The following RNF130 variants were observed in gnomAD, a reference collection of about 807,000 sequenced individuals.
The protein encoded by RNF130 is E3 ubiquitin-protein ligase RNF130.
In RNF130, 21 loss-of-function variants were observed where a neutral mutation model predicts 44.6. The observed-to-expected ratio is 0.47, with a 90% CI of 0.33 to 0.68. The LOEUF is 0.68. RNF130 is among the 30% of genes least tolerant of loss of function. The probability of loss-of-function intolerance (pLI) is 0.02; values close to 1 mark genes in which losing one functional copy is unlikely to be tolerated. For synonymous variants in RNF130, 214 were observed against 210.4 expected (o/e 1.02, Z -0.15); for missense variants, 479 against 560.6 (o/e 0.85, Z 1.47).
At position 180,021,126 on chromosome 5, in the gene RNF130, C is replaced by T. The variant is rs753632052; in HGVS notation, c.443-7815G>A. On this transcript the variant is annotated intron_variant, in intron 2 of 8. Transcript: ENST00000521389. The stretch of plus-strand genomic sequence containing the variant: ...AATGTCAGACACGTACCACCAAACC[C>T]GGCTCATTTTTTTGTATTTTTAGTA... Among the ~76,000 whole-genome samples the T allele has an allele frequency of 3.3e-5, 5 of 152,166 alleles. No individual in the cohort carries two copies. The East Asian group carries it at 5.8e-4, about 18-fold the overall frequency.
chr5:179,969,326 G>A (rs1277768871), intron 6 of RNF130, among the ~76,000 whole-genome samples: 5 of 151,722 alleles, frequency 3.3e-5, no homozygotes, highest in African/African-American at 1.2e-4. Context: ...TTCTCCTTGG[G>A]CTCCAGTCAC....
chr5:180,060,871 C>T (rs945459930), intron 1 of RNF130, among the ~76,000 whole-genome samples: 8 of 152,024 alleles, frequency 5.3e-5, no homozygotes, highest in South Asian at 2.1e-4. Context: ...CGATCGAGAC[C>T]ATCCTGGCTA....
intron 7 of RNF130, among the ~76,000 whole-genome samples, chr5:179,922,015 C>T (rs977582412): frequency 1.3e-5 from 2 of 151,096 alleles, no homozygotes. Flanking sequence ...AGTGAGACTC[C>T]GTCTGAAAAA....
At chr5:179,963,331 A>T in intron 8 of RNF130, 140 bp downstream of exon 8, 1 of 632,858 alleles carries the variant, frequency 1.6e-6, no homozygotes, top group Non-Finnish European at 2.8e-6. Context: ...CATGAAATAA[A>T]GTATTTTGCT....
intron 1 of RNF130, among the ~76,000 whole-genome samples, chr5:180,043,896 T>C (rs1046958404): frequency 2.6e-5 from 4 of 152,232 alleles, no homozygotes; most frequent in Non-Finnish European, 5.9e-5. Context: ...AAAGTGGTAT[T>C]TATTATTCAG....
intron 3 of RNF130, among the ~76,000 whole-genome samples, chr5:179,997,640 T>A (rs1763235985): frequency 6.6e-6 from 1 of 151,980 alleles, no homozygotes; most frequent in African/African-American, 2.4e-5. Flanking sequence ...ATGTTTGTAT[T>A]TTTATTTGTA....
intron 1 of RNF130, among the ~76,000 whole-genome samples, chr5:180,054,409 A>G (rs1242668810): frequency 6.6e-6 from 1 of 152,148 alleles, no homozygotes; most frequent in African/African-American, 2.4e-5. Context: ...GCAGATGCCC[A>G]CTTAGCTTTT....
intron 5 of RNF130, among the ~76,000 whole-genome samples, chr5:179,975,914 G>A (rs1429192377): frequency 2.0e-5 from 3 of 152,196 alleles, no homozygotes; most frequent in Admixed American, 6.5e-5. Flanking sequence ...TTTGCAGCAC[G>A]AGAATCGGGC....
chr5:179,946,890 A>G (rs532373140), intron 7 of RNF130, among the ~76,000 whole-genome samples: 1 of 152,220 alleles, frequency 6.6e-6, no homozygotes, highest in South Asian at 2.1e-4. Context: ...GTTTGCCTTT[A>G]TCTTTCTTTA....
At chr5:180,044,898 C>T (rs570421223) in intron 1 of RNF130, among the ~76,000 whole-genome samples, 1 of 152,094 alleles carries the variant, frequency 6.6e-6, no homozygotes, top group South Asian at 2.1e-4. Context: ...CAGAAGCTGA[C>T]GTTAGAGGGT....
At chr5:180,063,526 C>T (rs571777291) in intron 1 of RNF130, among the ~76,000 whole-genome samples, 1 of 152,292 alleles carries the variant, frequency 6.6e-6, no homozygotes, top group African/African-American at 2.4e-5. Context: ...GTCTTTGTGA[C>T]ACTGAAGTAA....
At chr5:180,015,711 AG>A (rs1341091901) in intron 2 of RNF130, among the ~76,000 whole-genome samples, 21 of 137,100 alleles carry the variant, frequency 1.5e-4, no homozygotes, top group East Asian at 1.3e-3. Flanking sequence ...GGAAAGGAGT[AG>A]GGAAAGGAGT....
intron 5 of RNF130, among the ~76,000 whole-genome samples, chr5:179,975,479 AAAGACTGTCAC>A: frequency 6.6e-6 from 1 of 152,338 alleles, no homozygotes; most frequent in South Asian, 2.1e-4. Flanking sequence ...GCTCTAGCTT[AAAGACTGTCAC>A]AAGTACCGCT....
At chr5:180,057,122 T>C (rs1236463426) in intron 1 of RNF130, among the ~76,000 whole-genome samples, 1 of 152,256 alleles carries the variant, frequency 6.6e-6, no homozygotes, top group Non-Finnish European at 1.5e-5. Context: ...AGATGGGGTC[T>C]GGTTGCCAGA....
intron 8 of RNF130, among the ~76,000 whole-genome samples, chr5:179,959,397 A>C (rs760302807): frequency 6.6e-6 from 1 of 152,092 alleles, no homozygotes; most frequent in Non-Finnish European, 1.5e-5. Context: ...GGAGGCCGAG[A>C]CAGGTGGATC....
intron 1 of RNF130, among the ~76,000 whole-genome samples, chr5:180,064,849 A>C (rs1010154016): frequency 6.6e-6 from 1 of 152,226 alleles, no homozygotes; most frequent in Non-Finnish European, 1.5e-5. Flanking sequence ...GAAAACCACA[A>C]AACCAGTAAG....
At chr5:179,979,597 T>G (rs1762787015) in intron 4 of RNF130, among the ~76,000 whole-genome samples, 1 of 152,072 alleles carries the variant, frequency 6.6e-6, no homozygotes, top group Non-Finnish European at 1.5e-5. Context: ...GAAGCAGGGC[T>G]CTACCATAAC....
chr5:179,954,508 G>A (rs564995320), downstream of RNF130, among the ~76,000 whole-genome samples: 5 of 152,234 alleles, frequency 3.3e-5, no homozygotes, highest in East Asian at 7.7e-4. Flanking sequence ...TACATGAAAT[G>A]CCCAGAACAG....
intron 3 of RNF130, among the ~76,000 whole-genome samples, chr5:180,005,015 C>G (rs1763430605): frequency 6.6e-6 from 1 of 152,168 alleles, no homozygotes; most frequent in African/African-American, 2.4e-5. Flanking sequence ...CTCCTCTCTA[C>G]ATAACCTTAT....
Sources: gnomAD v4.1 joint callset for allele counts (sites outside exome capture counted in the v4.1 genomes callset) on GRCh38, gnomAD v4.1.1 for gene constraint, MANE v1.5 for transcripts, NCBI Gene and HGNC (gene_info 2026-07-23, HGNC 2026-07-21) for gene names.